FN1: variants seen among roughly 807,000 people sequenced by gnomAD.
FN1 encodes the protein fibronectin 1.
FN1 carries 106 observed loss-of-function variants against 297.3 expected under a neutral mutation model. The ratio of observed to expected loss-of-function variants is 0.36; its 90% CI spans 0.30 to 0.42. FN1 has a LOEUF of 0.42. FN1 is among the 10% of genes least tolerant of loss of function. The pLI is 1.00. For missense variants in FN1, 2,690 were observed against 3,124.9 expected (o/e 0.86, Z 3.32); for synonymous variants, 1,149 against 1,152.6 (o/e 1.00, Z 0.06).
chr2:215,380,783 G>A (rs1414587652), intron 33 of FN1, 28 bp downstream of exon 33: 1 of 1,611,894 alleles, frequency 6.2e-7, no homozygotes, highest in African/African-American at 1.3e-5. Context: ...GCTCCCATGG[G>A]CACCTGGTGG....
intron 20 of FN1, 71 bp downstream of exon 20, chr2:215,404,317 TG>T (rs2061497147): frequency 1.5e-5 from 21 of 1,422,194 alleles, no homozygotes; most frequent in Admixed American, 7.1e-5. Context: ...TGTTTTGTTT[TG>T]TTTTGTTTTA....
In FN1 at chr2:215,371,908, C is replaced by T. The variant is rs779071504; in HGVS notation, c.6714+1G>A. On this transcript the variant is annotated splice_donor_variant, in intron 40 of 45. Transcript: ENST00000354785. LOFTEE classifies it high-confidence loss of function. ...GAGAAGTGAAGAGAACAATTAATTACCTGTAAGGGTTCTTCATCAGTGCCA... is the reference window on the plus strand; with the variant it reads ...GAGAAGTGAAGAGAACAATTAATTATCTGTAAGGGTTCTTCATCAGTGCCA... The T allele has an allele frequency of 2.5e-6, 4 of 1,610,402 alleles. No homozygotes were observed. Among genetic ancestry groups the T allele is most frequent in the Non-Finnish European group, 3.4e-6 (4 of 1,176,626 alleles).
chr2:215,432,013 T>G, intron 3 of FN1, 49 bp from the exon 4 acceptor site: 1 of 1,613,674 alleles, frequency 6.2e-7, no homozygotes, highest in South Asian at 1.1e-5. Flanking sequence ...ACAGATTTTT[T>G]TTTTTGGTCT....
chr2:215,420,288 G>A (rs749893987), intron 11 of FN1, among the ~76,000 whole-genome samples: 13 of 151,628 alleles, frequency 8.6e-5, no homozygotes, highest in Non-Finnish European at 1.9e-4. Flanking sequence ...GCAGTGAGCC[G>A]AGATTGTGCC....
At chr2:215,421,182 T>A (rs2064280250) in intron 10 of FN1, 1 of 318,616 alleles carries the variant, frequency 3.1e-6, no homozygotes, top group African/African-American at 2.2e-5. Flanking sequence ...AGAAGAAGAT[T>A]AAACATATTT....
In FN1 at chr2:215,424,281, C is replaced by A; in HGVS notation, c.1081G>T (p.Val361Phe). ...CTGCCATTGTAGGTGAATGGTAAGACACATGGCTCTCCATTTGAGTTGCCA... is the reference window on the plus strand; with the variant it reads ...CTGCCATTGTAGGTGAATGGTAAGAAACATGGCTCTCCATTTGAGTTGCCA... ...YGGNSNGEPC[V>F]LPFTYNGRTF... The change falls in exon 8 of 46, where the codon GTC (valine) becomes TTC (phenylalanine). Residue 361 changes from valine to phenylalanine, a missense_variant. By Grantham distance (50) the Val-to-Phe change is conservative. This residue lies in a region of FN1 where 876 missense variants were observed against 1,058.1 expected (regional missense o/e 0.83). Coordinates refer to ENST00000354785, the MANE Select transcript of FN1 (RefSeq NM_212482.4). The A allele has an allele frequency of 6.2e-7, 1 of 1,614,158 alleles. No individual in the cohort carries two copies. Among genetic ancestry groups the A allele is most frequent in the Admixed American group, 1.7e-5 (1 of 60,028 alleles).
chr2:215,416,947 C>A (rs1461929235), intron 12 of FN1, among the ~76,000 whole-genome samples: 1 of 141,828 alleles, frequency 7.1e-6, no homozygotes, highest in Non-Finnish European at 1.5e-5. Flanking sequence ...GTGGCATAGC[C>A]CACCTTTAAA....
At position 215,370,540 on chromosome 2, in the gene FN1, C is replaced by CCAAAAAAAAAAAAAAAAAAAAAAAAAA. The variant is rs1553600561; in HGVS notation, c.6715-109_6715-108insTTTTTTTTTTTTTTTTTTTTTTTTTTG. ...ACTGTTTAAACAAAGCAAAGGAAGA[C>CCAAAAAAAAAAAAAAAAAAAAAAAAAA]AAAAAACAAAAAACAAAAAAAAAAA... On this transcript the variant is annotated intron_variant, in intron 40 of 45. Coordinates refer to ENST00000354785, the MANE Select transcript of FN1 (RefSeq NM_212482.4). 1.3e-5 allele frequency: 4 copies of CCAAAAAAAAAAAAAAAAAAAAAAAAAA among 300,094 alleles called. No homozygotes were observed. The African/African-American group carries it at 1.5e-4, about 11-fold the overall frequency. 18.6% of individuals were successfully genotyped at this position (300,094 alleles called of 1,614,324 possible). A position where few individuals can be genotyped will look rare whatever the true frequency, so the allele number is the denominator to read the frequency against.
chr2:215,370,048 T>C (rs1249854796), intron 41 of FN1, among the ~76,000 whole-genome samples: 1 of 152,154 alleles, frequency 6.6e-6, no homozygotes, highest in Non-Finnish European at 1.5e-5. Flanking sequence ...CCCTTCCAGA[T>C]CTATAATCAT....
Position 215,373,421 on chromosome 2 carries a change from G to GAAT in FN1, c.6158-13_6158-11dup, listed in dbSNP as rs755649109. ...GTTCCCGGTTCCAGGCCTGAAGGGA[G>GAAT]AATAGAACCATCACATTATGTCAAT... is the stretch of plus-strand genomic sequence containing the variant. On this transcript the variant is annotated splice_polypyrimidine_tract_variant and intron_variant, in intron 38 of 45. Coordinates refer to ENST00000354785, the MANE Select transcript of FN1 (RefSeq NM_212482.4). 3.7e-6 allele frequency: 6 copies of GAAT among 1,606,832 alleles called. No individual in the cohort carries two copies. In the East Asian group the frequency reaches 1.3e-4, roughly 36 times the overall value.
intron 9 of FN1, 121 bp from the exon 10 acceptor site, chr2:215,422,364 G>C: frequency 9.6e-7 from 1 of 1,044,638 alleles, no homozygotes; most frequent in South Asian, 1.3e-5. Flanking sequence ...AAGAAGCTTT[G>C]TGTGCATCAA....
intron 12 of FN1, among the ~76,000 whole-genome samples, chr2:215,416,392 C>T (rs74389637): frequency 1.3e-5 from 2 of 152,090 alleles, no homozygotes; most frequent in Non-Finnish European, 2.9e-5. Flanking sequence ...TAAGTCAATT[C>T]CATGCCTATC....
At chr2:215,422,537 G>C (rs529433765) in intron 9 of FN1, among the ~76,000 whole-genome samples, 3 of 152,182 alleles carry the variant, frequency 2.0e-5, no homozygotes, top group African/African-American at 7.2e-5. Context: ...TGTTCTAGAA[G>C]CCTGGATTTA....
chr2:215,413,625 T>C (rs2063009518), intron 13 of FN1, among the ~76,000 whole-genome samples: 1 of 152,224 alleles, frequency 6.6e-6, no homozygotes, highest in South Asian at 2.1e-4. Flanking sequence ...AGCTACGCAG[T>C]TGTTGCATTG....
At chr2:215,424,057 C>G in intron 8 of FN1, 89 bp downstream of exon 8, 1 of 1,372,966 alleles carries the variant, frequency 7.3e-7, no homozygotes, top group Middle Eastern at 2.4e-4. Flanking sequence ...TGGGCGGGTT[C>G]AAAATAAATG....
At chr2:215,420,104 C>T (rs2064021319) in intron 11 of FN1, among the ~76,000 whole-genome samples, 1 of 152,120 alleles carries the variant, frequency 6.6e-6, no homozygotes, top group Non-Finnish European at 1.5e-5. Context: ...ACCCTTTGCT[C>T]ATGCTGTTAC....
chr2:215,427,859 T>TGTGTGTGC (rs1233253275), intron 6 of FN1, among the ~76,000 whole-genome samples: 3 of 152,156 alleles, frequency 2.0e-5, no homozygotes, highest in Non-Finnish European at 4.4e-5. Flanking sequence ...AAAATACGTG[T>TGTGTGTGC]GTGTGTGCGT....
At chr2:215,363,729 T>C (rs1210038581) in intron 44 of FN1, 2 of 151,842 alleles carry the variant, frequency 1.3e-5, no homozygotes, top group African/African-American at 2.4e-5. Context: ...CATGTCTTCG[T>C]TGAAAACAAA....
chr2:215,375,099 G>A (rs2057027167), intron 38 of FN1, 115 bp downstream of exon 38: 1 of 1,075,208 alleles, frequency 9.3e-7, no homozygotes, highest in Admixed American at 1.8e-5. Context: ...GAGGTTATCA[G>A]GAACAGAGTT....
Sources: allele counts gnomAD v4.1 joint callset (sites outside exome capture counted in the v4.1 genomes callset), GRCh38; gene constraint gnomAD v4.1.1; regional missense constraint gnomAD v4.1.1; transcripts MANE v1.5; gene names NCBI Gene and HGNC (gene_info 2026-07-23, HGNC 2026-07-21).